CEP164: variants seen among roughly 807,000 people sequenced by gnomAD.
The protein encoded by CEP164 is centrosomal protein of 164 kDa.
A neutral mutation model predicts 182.7 loss-of-function variants in CEP164; 162 were observed. That is an observed-to-expected ratio of 0.89 (90% CI 0.78 to 1.01). CEP164 has a LOEUF of 1.01. Among genes scored for constraint, CEP164 ranks in the 50% least tolerant of loss-of-function variants. The probability of loss-of-function intolerance (pLI) is 0.00; values close to 1 mark genes in which losing one functional copy is unlikely to be tolerated. For missense variants in CEP164, 1,735 were observed against 1,790.4 expected, an observed-to-expected ratio of 0.97 and a Z score of 0.56; for synonymous variants, 661 against 690.0, an observed-to-expected ratio of 0.96 and a Z score of 0.66.
At chr11:117,332,534 C>T (rs997635669) in intron 1 of CEP164, among the ~76,000 whole-genome samples, 4 of 152,144 alleles carry the variant, frequency 2.6e-5, no homozygotes, top group Admixed American at 6.5e-5. Flanking sequence ...CGAGATCGCA[C>T]CATTGCACTC....
At chr11:117,332,958 A>T (rs986182633) in intron 1 of CEP164, among the ~76,000 whole-genome samples, 2 of 152,228 alleles carry the variant, frequency 1.3e-5, no homozygotes, top group Non-Finnish European at 2.9e-5. Flanking sequence ...GCCTGGAGGA[A>T]AATAGTAGGA....
At chr11:117,407,457 C>CAAAAAA (rs1232486465) in intron 27 of CEP164, among the ~76,000 whole-genome samples, 15 of 68,848 alleles carry the variant, frequency 2.2e-4, no homozygotes, top group Middle Eastern at 0.012. Flanking sequence ...TCTGTCTCTA[C>CAAAAAA]AAAAAAAAAA....
intron 5 of CEP164, chr11:117,356,013 G>GCAGCAGCAGCAGCAGCAA (rs2040253139): frequency 1.8e-6 from 2 of 1,140,416 alleles, no homozygotes; most frequent in Admixed American, 6.5e-5. Flanking sequence ...AGCAGCAGCA[G>GCAGCAGCAGCAGCAGCAA]CAGCAGCAAC....
intron 5 of CEP164, among the ~76,000 whole-genome samples, chr11:117,358,531 TCCCC>T (rs2040566340): frequency 6.9e-6 from 1 of 144,426 alleles, no homozygotes. Flanking sequence ...GCTCTTCCCC[TCCCC>T]CGGCCTTTTT....
At chr11:117,371,795 C>CTTTTTTTTTT (rs34338708) in intron 9 of CEP164, among the ~76,000 whole-genome samples, 1 of 138,394 alleles carries the variant, frequency 7.2e-6, no homozygotes. Context: ...CCCTCTTGTA[C>CTTTTTTTTTT]TTTTTTTTTT....
intron 5 of CEP164, chr11:117,355,655 C>A: frequency 8.4e-7 from 1 of 1,190,674 alleles, no homozygotes; most frequent in African/African-American, 1.6e-5. Context: ...CCTGAGCTGG[C>A]AGGGAGTTCC....
intron 9 of CEP164, among the ~76,000 whole-genome samples, chr11:117,371,937 T>G (rs2042240456): frequency 6.6e-6 from 1 of 151,702 alleles, no homozygotes; most frequent in East Asian, 1.9e-4. Context: ...TTCAGGGTGC[T>G]TTTTGGCAGA....
In CEP164 at chr11:117,382,943, G is replaced by C. The variant is rs1489883516; in HGVS notation, c.1724+1G>C. The C allele has an allele frequency of 6.2e-7, 1 of 1,612,292 alleles. No individual in the cohort carries two copies. Among genetic ancestry groups the C allele is most frequent in the Non-Finnish European group, 8.5e-7 (1 of 1,179,470 alleles). On this transcript the variant is annotated splice_donor_variant, in intron 14 of 32. Coordinates refer to ENST00000278935, the MANE Select transcript of CEP164 (RefSeq NM_014956.5). LOFTEE classifies it high-confidence loss of function. ...CCACCCCGCCAGTCTCTCCAGAGGT[G>C]TAAGGGCCAGTTTTGTGTGTCTGTC...
chr11:117,344,097 G>GAA, intron 3 of CEP164, 69 bp from the exon 4 acceptor site: 1 of 839,714 alleles, frequency 1.2e-6, no homozygotes, highest in South Asian at 1.6e-5. Flanking sequence ...AGACAAAGTA[G>GAA]AAAAAAGATT....
Position 117,404,228 on chromosome 11 carries a change from C to T in CEP164, c.3502-3697C>T, listed in dbSNP as rs374975765. Among the ~76,000 whole-genome samples, 7 of 152,130 alleles carry T rather than the reference C, an allele frequency of 4.6e-5. No individual in the cohort carries two copies. The East Asian group carries it at 1.4e-3, about 29-fold the overall frequency. On this transcript the variant is annotated intron_variant, in intron 27 of 32. Transcript: ENST00000278935. ...GGAGTTGTGATCCTTTGGAGGAGAA[C>T]AGACATTCTTGTTTTTGGAATTTTC...
chr11:117,353,440 C>T (rs138936260), intron 5 of CEP164, among the ~76,000 whole-genome samples: 55 of 152,234 alleles, frequency 3.6e-4, no homozygotes, highest in African/African-American at 1.3e-3. Flanking sequence ...TTCATGGACC[C>T]AGGATTATTT....
intron 5 of CEP164, chr11:117,355,129 G>A (rs1478246475): frequency 1.6e-6 from 2 of 1,289,748 alleles, no homozygotes; most frequent in East Asian, 5.5e-5. Flanking sequence ...TTCCCAGAAA[G>A]CTGCAGCCAC....
At position 117,371,181 on chromosome 11, in the gene CEP164, A is replaced by G; in HGVS notation, c.867A>G (p.Ala289=). Residue 289 remains alanine (A), a synonymous_variant, in exon 9 of 33, where the codon GCA becomes GCG. Transcript: ENST00000278935. ...CCTGCAAGCCCTCCAGCCCAGGTGC[A>G]GACAGCAGTCTGAGCAGTGCTGTTG... is the stretch of plus-strand genomic sequence containing the variant. The part of the protein sequence containing the change: ...PTPCKPSSPG[A]DSSLSSAVGK... 1.2e-6 allele frequency: 2 copies of G among 1,614,228 alleles called. No individual in the cohort carries two copies. The highest frequency in any genetic ancestry group is 1.1e-5 in the South Asian group (1 of 91,084).
chr11:117,406,367 GCC>G (rs2046674774), intron 27 of CEP164, among the ~76,000 whole-genome samples: 2 of 152,162 alleles, frequency 1.3e-5, no homozygotes, highest in African/African-American at 4.8e-5. Flanking sequence ...GGGGGAAATG[GCC>G]CTCATGATTC....
chr11:117,353,285 C>A (rs1166806876), intron 5 of CEP164, among the ~76,000 whole-genome samples: 1 of 152,164 alleles, frequency 6.6e-6, no homozygotes, highest in Non-Finnish European at 1.5e-5. Context: ...TTTTTCCCTC[C>A]CCTCCCTGAC....
intron 32 of CEP164, 69 bp from the exon 33 acceptor site, chr11:117,412,003 C>T (rs1483847156): frequency 1.9e-6 from 3 of 1,611,118 alleles, no homozygotes; most frequent in Non-Finnish European, 2.5e-6. Flanking sequence ...CCTGTTCAGC[C>T]TTTGACCCTT....
chr11:117,393,188 C>T, intron 20 of CEP164, 62 bp downstream of exon 20: 1 of 1,576,678 alleles, frequency 6.3e-7, no homozygotes, highest in Non-Finnish European at 8.6e-7. Context: ...CACGCACATG[C>T]ACACACACAT....
intron 8 of CEP164, among the ~76,000 whole-genome samples, chr11:117,367,170 A>G (rs765467073): frequency 3.3e-5 from 5 of 152,202 alleles, no homozygotes; most frequent in Non-Finnish European, 5.9e-5. Context: ...CCAGGAGACA[A>G]GGGGGCAGGG....
At chr11:117,371,565 C>A in intron 9 of CEP164, 99 bp downstream of exon 9, 1 of 1,425,292 alleles carries the variant, frequency 7.0e-7, no homozygotes, top group South Asian at 1.5e-5. Context: ...ATTACTGAGT[C>A]AGGAGCTTCA....
Sources: allele counts gnomAD v4.1 joint callset (sites outside exome capture counted in the v4.1 genomes callset), GRCh38; gene constraint gnomAD v4.1.1; transcripts MANE v1.5; gene names NCBI Gene and HGNC (gene_info 2026-07-23, HGNC 2026-07-21).